The following ARHGEF3 variants were observed in gnomAD, a reference collection of about 807,000 sequenced individuals.
ARHGEF3 encodes Rho guanine nucleotide exchange factor 3.
In ARHGEF3, 28 loss-of-function variants were observed where a neutral mutation model predicts 63.2. The ratio of observed to expected loss-of-function variants is 0.44; its 90% CI spans 0.33 to 0.61. The LOEUF (loss-of-function observed/expected upper bound fraction) is 0.61, where lower values mean the gene tolerates loss of function less well. Ranked by LOEUF, ARHGEF3 falls within the 20% of genes least tolerant of loss-of-function variation. The pLI is 0.03. For missense variants in ARHGEF3, 533 were observed against 659.3 expected, an observed-to-expected ratio of 0.81 and a Z score of 2.10; for synonymous variants, 266 against 254.2, an observed-to-expected ratio of 1.05 and a Z score of -0.44.
At chr3:56,920,306 G>T (rs200530385) in intron 3 of ARHGEF3, among the ~76,000 whole-genome samples, 95 of 152,262 alleles carry the variant, frequency 6.2e-4, no homozygotes, top group Non-Finnish European at 5.1e-4. Flanking sequence ...AACCCCTCTT[G>T]TTGGGCTCTA....
At chr3:56,743,882 G>GTC (rs2034204650) in intron 7 of ARHGEF3, among the ~76,000 whole-genome samples, 2 of 151,956 alleles carry the variant, frequency 1.3e-5, no homozygotes, top group African/African-American at 2.4e-5. Flanking sequence ...CCTATCACCA[G>GTC]TCTCTTCCTC....
intron 8 of ARHGEF3, among the ~76,000 whole-genome samples, chr3:56,734,708 T>C (rs980208838): frequency 6.6e-6 from 1 of 151,972 alleles, no homozygotes; most frequent in African/African-American, 2.4e-5. Flanking sequence ...CCCACCCCTA[T>C]CCCTACTACC....
intron 4 of ARHGEF3, among the ~76,000 whole-genome samples, chr3:56,877,398 AG>A (rs1437423504): frequency 2.2e-5 from 3 of 136,076 alleles, no homozygotes; most frequent in Middle Eastern, 4.3e-3. Flanking sequence ...TTTTTGAGAT[AG>A]GGTCTTACTC....
chr3:56,938,191 G>A (rs992766518), intron 3 of ARHGEF3, among the ~76,000 whole-genome samples: 1 of 152,142 alleles, frequency 6.6e-6, no homozygotes, highest in African/African-American at 2.4e-5. Context: ...CTGGAGTTGT[G>A]TTCATTGAGA....
At chr3:56,865,151 C>G (rs2040201167) in intron 4 of ARHGEF3, among the ~76,000 whole-genome samples, 1 of 152,156 alleles carries the variant, frequency 6.6e-6, no homozygotes, top group South Asian at 2.1e-4. Context: ...ATGGCGAGCA[C>G]ATGGCAGGCC....
intron 3 of ARHGEF3, among the ~76,000 whole-genome samples, chr3:56,954,137 G>C (rs867897330): frequency 5.9e-5 from 9 of 152,188 alleles, no homozygotes; most frequent in African/African-American, 1.9e-4. Flanking sequence ...AGACAAAAAG[G>C]GCTCTGAAAT....
intron 3 of ARHGEF3, among the ~76,000 whole-genome samples, chr3:56,886,473 T>C (rs1176084772): frequency 6.6e-6 from 1 of 152,162 alleles, no homozygotes; most frequent in Non-Finnish European, 1.5e-5. Context: ...GAACTGGGAT[T>C]TCTAGAATAT....
At chr3:56,925,542 T>C (rs1193721181) in intron 3 of ARHGEF3, among the ~76,000 whole-genome samples, 2 of 152,204 alleles carry the variant, frequency 1.3e-5, no homozygotes, top group Admixed American at 6.5e-5. Context: ...ACTTCATTAT[T>C]AACAACAATA....
chr3:56,798,347 A>G (rs2037471485), intron 1 of ARHGEF3, among the ~76,000 whole-genome samples: 2 of 152,218 alleles, frequency 1.3e-5, no homozygotes, highest in African/African-American at 4.8e-5. Context: ...CTAAGATGGT[A>G]AATTTTAAAA....
intron 4 of ARHGEF3, among the ~76,000 whole-genome samples, chr3:56,854,974 A>G (rs2039817847): frequency 6.6e-6 from 1 of 152,130 alleles, no homozygotes; most frequent in Non-Finnish European, 1.5e-5. Flanking sequence ...CACAGAGAGA[A>G]AGTCAATCTT....
At chr3:57,053,064 C>A (rs2107311036) in intron 1 of ARHGEF3, among the ~76,000 whole-genome samples, 1 of 152,342 alleles carries the variant, frequency 6.6e-6, no homozygotes, top group East Asian at 1.9e-4. Flanking sequence ...ACCATTTAAT[C>A]CTCGGCTTCA....
intron 3 of ARHGEF3, among the ~76,000 whole-genome samples, chr3:56,887,478 T>A (rs28380666): frequency 0.082 from 12,495 of 152,166 alleles, 1,078 homozygotes; most frequent in East Asian, 0.21. Flanking sequence ...GTGAGGATCA[T>A]AGATGTTGGG....
intron 2 of ARHGEF3, among the ~76,000 whole-genome samples, chr3:56,760,826 T>A (rs1405738998): frequency 6.6e-6 from 1 of 152,180 alleles, no homozygotes; most frequent in Admixed American, 6.5e-5. Flanking sequence ...AGAGAATACA[T>A]TTGCTCAGTT....
At chr3:56,966,904 C>A (rs1700520990) in intron 2 of ARHGEF3, among the ~76,000 whole-genome samples, 1 of 150,464 alleles carries the variant, frequency 6.6e-6, no homozygotes, top group Admixed American at 6.6e-5. Flanking sequence ...ACTCTTGCTG[C>A]CCAGGCTGGA....
At chr3:56,733,169 G>A (rs188038431) in intron 8 of ARHGEF3, among the ~76,000 whole-genome samples, 155 of 151,780 alleles carry the variant, frequency 1.0e-3, no homozygotes, top group African/African-American at 3.6e-3. Flanking sequence ...TGTAGTCCCA[G>A]CTACTTGGGA....
At chr3:56,773,686 C>G (rs778422803) in intron 2 of ARHGEF3, 23 bp downstream of exon 2, 2 of 1,544,908 alleles carry the variant, frequency 1.3e-6, no homozygotes, top group South Asian at 1.2e-5. Flanking sequence ...TCTGCAACCA[C>G]AGGCCCTGTG....
chr3:56,732,968 T>G (rs562023398), intron 8 of ARHGEF3, among the ~76,000 whole-genome samples: 3 of 151,676 alleles, frequency 2.0e-5, no homozygotes, highest in African/African-American at 7.3e-5. Flanking sequence ...GCCAACATGG[T>G]GAAACCCCGT....
intron 2 of ARHGEF3, among the ~76,000 whole-genome samples, chr3:56,969,744 C>G (rs1160955949): frequency 8.6e-6 from 1 of 115,758 alleles, no homozygotes; most frequent in African/African-American, 2.7e-5. Context: ...CAGAGTGAGA[C>G]TCCGTATCAA....
At chr3:56,785,291 G>A (rs960978827) in intron 1 of ARHGEF3, among the ~76,000 whole-genome samples, 1 of 152,090 alleles carries the variant, frequency 6.6e-6, no homozygotes, top group South Asian at 2.1e-4. Context: ...GGTCTGGCAG[G>A]ATTCAAGGCT....
Sources: gnomAD v4.1 joint callset for allele counts (sites outside exome capture counted in the v4.1 genomes callset) on GRCh38, gnomAD v4.1.1 for gene constraint, MANE v1.5 for transcripts, NCBI Gene and HGNC (gene_info 2026-07-23, HGNC 2026-07-21) for gene names.